NREP: variants seen among roughly 807,000 people sequenced by gnomAD.
NREP encodes neuronal regeneration related protein, also known as neuronal regeneration-related protein.
NREP carries 5 observed loss-of-function variants against 8.6 expected under a neutral mutation model. That is an observed-to-expected ratio of 0.58 (90% CI 0.30 to 1.22). NREP has a LOEUF of 1.22. NREP is among the 50% of genes most tolerant of loss of function. The pLI is 0.07. For missense variants in NREP, 86 were observed against 82.5 expected (o/e 1.04, Z -0.17); for synonymous variants, 27 against 28.0 (o/e 0.96, Z 0.11).
In NREP at chr5:111,855,875, GA is replaced by G. The variant is rs139503871; in HGVS notation, c.135+119398del. Among the ~76,000 whole-genome samples the G allele has an allele frequency of 4.5e-3, 680 of 152,020 alleles. 4 individuals are homozygous for G. The highest frequency in any genetic ancestry group is 0.015 in the African/African-American group (620 of 41,484). ...GCACACCAAATGTAGCTTGGAGGGG[GA>G]AAAAAAAGATGAAAGAAAACTGTTT... On this transcript the variant is annotated intron_variant, in intron 2 of 3. Coordinates refer to the NREP transcript ENST00000395634.
At chr5:111,967,814 T>C (rs36061964) in intron 2 of NREP, among the ~76,000 whole-genome samples, 58,129 of 152,008 alleles carry the variant, frequency 0.38, 11,558 homozygotes, top group South Asian at 0.57. Context: ...AGAAGATCTT[T>C]TTCCCTCTCT....
intron 2 of NREP, among the ~76,000 whole-genome samples, chr5:111,780,906 T>C (rs1751478588): frequency 6.6e-6 from 1 of 152,174 alleles, no homozygotes; most frequent in Admixed American, 6.5e-5. Context: ...TTTTTAACGT[T>C]TATTTTAAGT....
intron 2 of NREP, among the ~76,000 whole-genome samples, chr5:111,918,462 A>G (rs1755128678): frequency 6.6e-6 from 1 of 152,168 alleles, no homozygotes; most frequent in Non-Finnish European, 1.5e-5. Flanking sequence ...AACTAACTAT[A>G]CTACATGGCT....
intron 2 of NREP, among the ~76,000 whole-genome samples, chr5:111,874,364 T>C (rs1019542256): frequency 3.9e-5 from 6 of 152,212 alleles, no homozygotes; most frequent in Non-Finnish European, 5.9e-5. Context: ...ATAAACTCTT[T>C]CACTTATTGA....
Position 111,730,641 on chromosome 5 carries a change from G to A in NREP, c.*280C>T, listed in dbSNP as rs1477567982. ...TGAGCGCGGTGGGAGTTTGAGTTGTGGAAGACATTGTTGTAGCGAACCAGG... is the reference window on the plus strand; with the variant it reads ...TGAGCGCGGTGGGAGTTTGAGTTGTAGAAGACATTGTTGTAGCGAACCAGG... On this transcript the variant is annotated 3_prime_UTR_variant, in exon 4 of 4. Transcript: ENST00000257435. 3.6e-6 allele frequency: 1 copy of A among 275,546 alleles called. No homozygotes were observed. Among genetic ancestry groups the A allele is most frequent in the Non-Finnish European group, 6.8e-6 (1 of 146,900 alleles). The allele number at this position is 275,546 out of a possible 1,614,324, so 17.1% of individuals were successfully genotyped here.
At chr5:111,794,588 C>A (rs539975482) in intron 2 of NREP, among the ~76,000 whole-genome samples, 2 of 152,192 alleles carry the variant, frequency 1.3e-5, no homozygotes, top group Middle Eastern at 3.4e-3. Flanking sequence ...TGAGTACATA[C>A]AATATGATTT....
chr5:111,960,967 CATTT>C (rs1756463819), intron 2 of NREP, among the ~76,000 whole-genome samples: 1 of 152,130 alleles, frequency 6.6e-6, no homozygotes, highest in Admixed American at 6.5e-5. Flanking sequence ...ATTTTTAAAA[CATTT>C]ATTGAGTCAT....
rs368850424 is a variant in NREP at position 111,975,375 on chromosome 5, G to A, written c.34C>T (p.Arg12Ter). 19 of 1,550,946 alleles carry A rather than the reference G, an allele frequency of 1.2e-5. No individual in the cohort carries two copies. Among genetic ancestry groups the A allele is most frequent in the East Asian group, 9.8e-5 (4 of 40,932 alleles). Residue 12 changes from arginine to a stop codon, truncating the protein, a stop_gained, in exon 2 of 4, where the codon CGA becomes TGA. Coordinates refer to the NREP transcript ENST00000395634. LOFTEE classifies it high-confidence loss of function. ...TGGGTTCGTGTTTCATCTTCTCTTCGGCTCTGCAGACAAGACACATGGTAG... is the reference window on the plus strand; with the variant it reads ...TGGGTTCGTGTTTCATCTTCTCTTCAGCTCTGCAGACAAGACACATGGTAG...
intron 2 of NREP, among the ~76,000 whole-genome samples, chr5:111,830,636 A>G (rs993085007): frequency 6.6e-6 from 1 of 152,208 alleles, no homozygotes; most frequent in Admixed American, 6.5e-5. Context: ...GCTTTAAGAG[A>G]AGGTGTGATT....
At chr5:111,774,215 AGGAAGGAAGAAGGGAG>A (rs144856676) in intron 2 of NREP, among the ~76,000 whole-genome samples, 113 of 148,502 alleles carry the variant, frequency 7.6e-4, no homozygotes, top group African/African-American at 2.2e-3. Flanking sequence ...GAAGAAAGGA[AGGAAGGAAGAAGGGAG>A]GGAAGGAAGA....
intron 2 of NREP, among the ~76,000 whole-genome samples, chr5:111,944,730 G>T (rs1755929201): frequency 2.0e-5 from 3 of 152,106 alleles, no homozygotes; most frequent in Admixed American, 2.0e-4. Context: ...TGATTAGGAT[G>T]ACTTCAAGAT....
intron 2 of NREP, among the ~76,000 whole-genome samples, chr5:111,879,655 G>A (rs6594555): frequency 0.43 from 64,848 of 151,974 alleles, 16,554 homozygotes; most frequent in Non-Finnish European, 0.59. Flanking sequence ...TCAGGTTGCC[G>A]TAACGATATA....
chr5:111,958,008 G>A (rs2112647442), intron 2 of NREP, among the ~76,000 whole-genome samples: 1 of 151,956 alleles, frequency 6.6e-6, no homozygotes, highest in South Asian at 2.1e-4. Flanking sequence ...TAGCACCAAA[G>A]GAGAACATGC....
chr5:111,759,099 G>T (rs1750895382), upstream of NREP, among the ~76,000 whole-genome samples: 1 of 152,226 alleles, frequency 6.6e-6, no homozygotes, highest in Non-Finnish European at 1.5e-5. Context: ...GAAGGAAGGT[G>T]TAAGGCATAG....
At chr5:111,939,653 A>T (rs1232955198) in intron 2 of NREP, among the ~76,000 whole-genome samples, 1 of 152,066 alleles carries the variant, frequency 6.6e-6, no homozygotes, top group Non-Finnish European at 1.5e-5. Flanking sequence ...CTTACCGTAA[A>T]CAAGTGTCCT....
At chr5:111,761,257 G>C (rs1750953851), upstream of NREP, among the ~76,000 whole-genome samples, 1 of 152,154 alleles carries the variant, frequency 6.6e-6, no homozygotes, top group Admixed American at 6.5e-5. Flanking sequence ...TTTCCTGATG[G>C]ATCCCACCTC....
intron 2 of NREP, among the ~76,000 whole-genome samples, chr5:111,795,140 TTG>T (rs1246530646): frequency 1.3e-5 from 2 of 152,240 alleles, no homozygotes; most frequent in African/African-American, 2.4e-5. Flanking sequence ...TTCTTCCATA[TTG>T]TGTTTCTATT....
At chr5:111,864,212 C>A (rs991689890) in intron 2 of NREP, among the ~76,000 whole-genome samples, 2 of 152,096 alleles carry the variant, frequency 1.3e-5, no homozygotes, top group African/African-American at 4.8e-5. Context: ...ACATCCATTA[C>A]TGGGGTCCTA....
At chr5:111,819,248 A>G (rs1056952066) in intron 2 of NREP, among the ~76,000 whole-genome samples, 19 of 151,606 alleles carry the variant, frequency 1.3e-4, no homozygotes, top group African/African-American at 4.4e-4. Context: ...TTCTCTAACC[A>G]CCCTTTCTGT....
Sources: allele counts gnomAD v4.1 joint callset (sites outside exome capture counted in the v4.1 genomes callset), GRCh38; gene constraint gnomAD v4.1.1; transcripts MANE v1.5; gene names NCBI Gene and HGNC (gene_info 2026-07-23, HGNC 2026-07-21).